Variants in AUTS2 observed in about 807,000 individuals in gnomAD.
AUTS2 encodes the protein autism susceptibility gene 2 protein.
A neutral mutation model predicts 112.4 loss-of-function variants in AUTS2; 17 were observed. The observed-to-expected ratio is 0.15, with a 90% CI of 0.10 to 0.23. AUTS2 has a LOEUF of 0.23. Ranked by LOEUF, AUTS2 falls within the 10% of genes least tolerant of loss-of-function variation. The pLI is 1.00. For synonymous variants in AUTS2, 751 were observed against 702.7 expected (o/e 1.07, Z -1.09); for missense variants, 1,510 against 1,701.6 (o/e 0.89, Z 1.98).
intron 1 of AUTS2, among the ~76,000 whole-genome samples, chr7:69,605,575 G>T (rs1792674920): frequency 6.6e-6 from 1 of 152,194 alleles, no homozygotes; most frequent in Non-Finnish European, 1.5e-5. Context: ...GTAAAAAAAG[G>T]TTGGTTGGGA....
intron 5 of AUTS2, among the ~76,000 whole-genome samples, chr7:70,468,921 T>C (rs1416123209): frequency 6.6e-6 from 1 of 152,144 alleles, no homozygotes; most frequent in Non-Finnish European, 1.5e-5. Flanking sequence ...CTGCAGCAAA[T>C]TGGTGAATTT....
chr7:70,703,128 G>A (rs182934987), intron 6 of AUTS2, among the ~76,000 whole-genome samples: 12 of 152,204 alleles, frequency 7.9e-5, no homozygotes, highest in Admixed American at 3.3e-4. Context: ...TTAGACACAA[G>A]GGATTTCCTT....
intron 2 of AUTS2, among the ~76,000 whole-genome samples, chr7:69,981,799 A>G (rs902051856): frequency 2.0e-5 from 3 of 152,370 alleles, no homozygotes; most frequent in Admixed American, 1.3e-4. Flanking sequence ...TTAGTAGGTC[A>G]CTAAAGAGTG....
chr7:70,016,351 G>A (rs960939167), intron 2 of AUTS2, among the ~76,000 whole-genome samples: 10 of 152,114 alleles, frequency 6.6e-5, no homozygotes, highest in African/African-American at 2.4e-4. Flanking sequence ...ATTTCCTTCT[G>A]TAGTACCTCA....
rs1791965968 is a variant in AUTS2, at chr7:70,791,575, T to C, written c.*579T>C. On this transcript the variant is annotated 3_prime_UTR_variant, in exon 19 of 19. Coordinates refer to ENST00000342771, the MANE Select transcript of AUTS2 (RefSeq NM_015570.4). ...CTAAAGCTGTGTTCCCATATATTGTTATAGACAGCTAAACCCTTCAACTAT... is the reference window on the plus strand; with the variant it reads ...CTAAAGCTGTGTTCCCATATATTGTCATAGACAGCTAAACCCTTCAACTAT... 6.5e-6 allele frequency: 1 copy of C among 152,692 alleles called. No homozygotes were observed. Among genetic ancestry groups the C allele is most frequent in the Non-Finnish European group, 1.5e-5 (1 of 68,062 alleles). 9.5% of individuals were successfully genotyped at this position (152,692 alleles called of 1,614,324 possible).
At chr7:69,624,842 A>C (rs1290168079) in intron 1 of AUTS2, among the ~76,000 whole-genome samples, 1 of 152,232 alleles carries the variant, frequency 6.6e-6, no homozygotes, top group Non-Finnish European at 1.5e-5. Context: ...TCCTGTGTGC[A>C]CAAAGGAACT....
intron 4 of AUTS2, among the ~76,000 whole-genome samples, chr7:70,306,331 G>A (rs2129614466): frequency 6.6e-6 from 1 of 152,312 alleles, no homozygotes; most frequent in East Asian, 1.9e-4. Context: ...GGTTACAGCA[G>A]GCTGTTTCAA....
In AUTS2 at chr7:70,088,035, CT is replaced by C. The variant is rs759374728; in HGVS notation, c.523-30083del. 2.3e-3 allele frequency among the ~76,000 whole-genome samples: 323 copies of C among 137,632 alleles called. No individual in the cohort carries two copies. The Middle Eastern group carries it at 0.029, about 12-fold the overall frequency. The allele number at this position is 137,632 out of a possible 152,430, so 90.3% of individuals were successfully genotyped here. A position where few individuals can be genotyped will look rare whatever the true frequency, so the allele number is the denominator to read the frequency against. On this transcript the variant is annotated intron_variant, in intron 2 of 18. Transcript: ENST00000342771. ...TATTCTTGATAGTGACAATTCATGT[CT>C]TTTTTTTTTTTTTCCAGGTCAGTGT...
At chr7:69,968,835 C>A (rs1015512803) in intron 2 of AUTS2, among the ~76,000 whole-genome samples, 2 of 151,928 alleles carry the variant, frequency 1.3e-5, no homozygotes, top group African/African-American at 4.8e-5. Flanking sequence ...ATTTTCAACT[C>A]CTTTTTACTG....
intron 10 of AUTS2, 90 bp from the exon 11 acceptor site, chr7:70,771,459 A>G: frequency 4.6e-6 from 5 of 1,085,768 alleles, no homozygotes; most frequent in South Asian, 1.6e-5. Context: ...TGGCTTGCTC[A>G]TGTCGATGTC....
At chr7:70,177,924 T>TC (rs1477267736) in intron 4 of AUTS2, among the ~76,000 whole-genome samples, 1 of 151,576 alleles carries the variant, frequency 6.6e-6, no homozygotes, top group East Asian at 1.9e-4. Flanking sequence ...TTCTGTTTTT[T>TC]TTTTTTTTTT....
intron 1 of AUTS2, among the ~76,000 whole-genome samples, chr7:69,675,689 T>G (rs1796532383): frequency 6.6e-6 from 1 of 151,902 alleles, no homozygotes; most frequent in Non-Finnish European, 1.5e-5. Context: ...GTATTTTTAG[T>G]GGAGACGGGG....
At chr7:69,796,043 G>C (rs901195475) in intron 1 of AUTS2, among the ~76,000 whole-genome samples, 1 of 152,202 alleles carries the variant, frequency 6.6e-6, no homozygotes, top group African/African-American at 2.4e-5. Context: ...GGTCTGTCAG[G>C]CATTAACATT....
At chr7:69,767,076 C>T (rs58626042) in intron 1 of AUTS2, among the ~76,000 whole-genome samples, 15,630 of 152,232 alleles carry the variant, frequency 0.1, 1,316 homozygotes, top group African/African-American at 0.23. Context: ...CACGTTTGTA[C>T]GTGTGTGTGT....
At chr7:70,292,994 C>T (rs1316818018) in intron 4 of AUTS2, 1 of 152,192 alleles carries the variant, frequency 6.6e-6, no homozygotes. Context: ...TCTATCCCTG[C>T]TTTGCCTGCT....
chr7:70,195,043 A>G (rs1810101177), intron 4 of AUTS2, among the ~76,000 whole-genome samples: 2 of 152,170 alleles, frequency 1.3e-5, no homozygotes, highest in African/African-American at 4.8e-5. Context: ...CCACTTGGAT[A>G]TGGCTCTGGA....
At chr7:69,879,120 C>CTGTGTGTGTGTGTG (rs5884770) in intron 1 of AUTS2, among the ~76,000 whole-genome samples, 1 of 147,818 alleles carries the variant, frequency 6.8e-6, no homozygotes. Flanking sequence ...TTGAGACTTT[C>CTGTGTGTGTGTGTG]TGTGTGTGTG....
At chr7:69,942,383 G>A (rs1796660272) in intron 2 of AUTS2, among the ~76,000 whole-genome samples, 1 of 152,112 alleles carries the variant, frequency 6.6e-6, no homozygotes. Flanking sequence ...CTGATTTTGT[G>A]TTTTGACAGG....
intron 2 of AUTS2, among the ~76,000 whole-genome samples, chr7:69,937,135 T>C (rs1040284207): frequency 6.6e-6 from 1 of 152,198 alleles, no homozygotes; most frequent in Non-Finnish European, 1.5e-5. Flanking sequence ...GTAAAGAGGC[T>C]GTCCAGAGGC....
Sources: allele counts gnomAD v4.1 joint callset (sites outside exome capture counted in the v4.1 genomes callset), GRCh38; gene constraint gnomAD v4.1.1; transcripts MANE v1.5; gene names NCBI Gene and HGNC (gene_info 2026-07-23, HGNC 2026-07-21).